The following FARS2 variants were observed in gnomAD, a reference collection of about 807,000 sequenced individuals.
The protein encoded by FARS2 is phenylalanine--tRNA ligase, mitochondrial.
In FARS2, 40 loss-of-function variants were observed where a neutral mutation model predicts 46.4. That is an observed-to-expected ratio of 0.86 (90% CI 0.67 to 1.12). FARS2 has a LOEUF of 1.12. Among genes scored for constraint, FARS2 ranks in the 50% most tolerant of loss-of-function variants. FARS2 has a pLI of 0.00. For missense variants in FARS2, 513 were observed against 567.9 expected (o/e 0.90, Z 0.98); for synonymous variants, 234 against 214.9 (o/e 1.09, Z -0.78).
intron 1 of FARS2, among the ~76,000 whole-genome samples, chr6:5,331,262 T>C (rs1217111735): frequency 1.3e-5 from 2 of 152,232 alleles, no homozygotes; most frequent in Admixed American, 6.5e-5. Context: ...TTCATTTTAA[T>C]GTTACCTCAT....
chr6:5,729,009 C>G (rs1561825443), intron 6 of FARS2, among the ~76,000 whole-genome samples: 1 of 152,196 alleles, frequency 6.6e-6, no homozygotes, highest in Non-Finnish European at 1.5e-5. Flanking sequence ...CCTGCTAGGA[C>G]GCCCGCTACC....
intron 5 of FARS2, among the ~76,000 whole-genome samples, chr6:5,553,498 A>T (rs1771486981): frequency 6.6e-6 from 1 of 152,178 alleles, no homozygotes; most frequent in Admixed American, 6.5e-5. Flanking sequence ...TCGTTATATT[A>T]TGTATGTGGC....
chr6:5,401,385 G>T (rs918429686), intron 2 of FARS2, among the ~76,000 whole-genome samples: 5 of 152,052 alleles, frequency 3.3e-5, no homozygotes, highest in Non-Finnish European at 7.4e-5. Flanking sequence ...CTTAGTAAAA[G>T]TATTCTTTAA....
intron 6 of FARS2, among the ~76,000 whole-genome samples, chr6:5,640,179 C>T (rs536379406): frequency 4.8e-4 from 73 of 150,864 alleles, no homozygotes; most frequent in Middle Eastern, 3.4e-3. Context: ...TGAGAAAACG[C>T]GCACACATGC....
intron 4 of FARS2, among the ~76,000 whole-genome samples, chr6:5,499,840 G>T (rs1390706802): frequency 6.6e-6 from 1 of 152,160 alleles, no homozygotes; most frequent in East Asian, 1.9e-4. Context: ...TCAAATAGTA[G>T]TCACTAACTA....
rs1758880618 is a variant in FARS2 at position 5,369,192 on chromosome 6, G to C, written c.612+10G>C. 1.2e-6 allele frequency: 2 copies of C among 1,600,432 alleles called. No individual in the cohort carries two copies. Among genetic ancestry groups the C allele is most frequent in the Non-Finnish European group, 1.7e-6 (2 of 1,177,662 alleles). The stretch of plus-strand genomic sequence containing the variant: ...CTTCTCCAAGCATGAGGTGAGTCTT[G>C]AGATGTTTCTCATCGCTGAAGGATG... On this transcript the variant is annotated intron_variant, in intron 2 of 6. Transcript: ENST00000274680.
intron 2 of FARS2, among the ~76,000 whole-genome samples, chr6:5,386,360 GC>G (rs1760134839): frequency 6.6e-6 from 1 of 151,072 alleles, no homozygotes. Context: ...TTCATGAAGG[GC>G]CTGCTATGTA....
At chr6:5,766,778 A>G (rs577703931) in intron 6 of FARS2, among the ~76,000 whole-genome samples, 1 of 152,126 alleles carries the variant, frequency 6.6e-6, no homozygotes, top group Non-Finnish European at 1.5e-5. Context: ...AAAATATGTC[A>G]TTACCCCAAA....
At chr6:5,444,725 C>T (rs971133675) in intron 4 of FARS2, among the ~76,000 whole-genome samples, 3 of 152,106 alleles carry the variant, frequency 2.0e-5, no homozygotes, top group African/African-American at 7.2e-5. Context: ...GTGGACCCCC[C>T]ACTCCTCATC....
At chr6:5,756,536 T>G (rs1434123974) in intron 6 of FARS2, among the ~76,000 whole-genome samples, 1 of 152,084 alleles carries the variant, frequency 6.6e-6, no homozygotes. Flanking sequence ...CTACACACTT[T>G]CAAACAACCA....
At chr6:5,332,067 A>G (rs2127579849) in intron 1 of FARS2, among the ~76,000 whole-genome samples, 1 of 152,328 alleles carries the variant, frequency 6.6e-6, no homozygotes, top group African/African-American at 2.4e-5. Context: ...AGTTTCAGAC[A>G]GGAAACTAAA....
At chr6:5,346,793 C>T (rs1225652958) in intron 1 of FARS2, among the ~76,000 whole-genome samples, 3 of 151,860 alleles carry the variant, frequency 2.0e-5, no homozygotes, top group Non-Finnish European at 4.4e-5. Context: ...CAGAATTCCT[C>T]CTAAATGTAG....
intron 5 of FARS2, among the ~76,000 whole-genome samples, chr6:5,549,252 T>C (rs1033440372): frequency 3.9e-5 from 6 of 152,208 alleles, no homozygotes; most frequent in Non-Finnish European, 8.8e-5. Flanking sequence ...TACATATGTA[T>C]ACATGTGCCA....
intron 4 of FARS2, among the ~76,000 whole-genome samples, chr6:5,473,806 C>T (rs1157403306): frequency 1.3e-5 from 2 of 152,124 alleles, no homozygotes; most frequent in Non-Finnish European, 2.9e-5. Flanking sequence ...ATGTAGGCAG[C>T]GGTGTCTTTC....
chr6:5,771,210 C>G (rs944629501), intron 6 of FARS2, 81 bp from the exon 7 acceptor site: 1 of 1,550,240 alleles, frequency 6.5e-7, no homozygotes, highest in Non-Finnish European at 8.8e-7. Flanking sequence ...TTGGGGAGAT[C>G]TGGCCAGGGC....
chr6:5,594,413 C>A (rs1774085497), intron 5 of FARS2, among the ~76,000 whole-genome samples: 1 of 152,218 alleles, frequency 6.6e-6, no homozygotes, highest in African/African-American at 2.4e-5. Flanking sequence ...CCACAGACTT[C>A]TTGATAAATT....
At chr6:5,717,925 T>TAGAGAGAGAGAGAGAGAGAGAGAG (rs759754794) in intron 6 of FARS2, among the ~76,000 whole-genome samples, 36 of 45,586 alleles carry the variant, frequency 7.9e-4, no homozygotes, top group African/African-American at 5.8e-3. Flanking sequence ...TATATATATA[T>TAGAGAGAGAGAGAGAGAGAGAGAG]ATATATATAT....
At chr6:5,387,603 T>C (rs1268199491) in intron 2 of FARS2, among the ~76,000 whole-genome samples, 1 of 152,256 alleles carries the variant, frequency 6.6e-6, no homozygotes, top group Non-Finnish European at 1.5e-5. Flanking sequence ...CAAAATTTGG[T>C]TCTTGACTCG....
chr6:5,602,743 G>A (rs539660413), intron 5 of FARS2, among the ~76,000 whole-genome samples: 11 of 151,684 alleles, frequency 7.3e-5, no homozygotes, highest in East Asian at 3.9e-4. Context: ...GGCTAGGCCC[G>A]GAGCAGGGGC....
Sources: allele counts gnomAD v4.1 joint callset (sites outside exome capture counted in the v4.1 genomes callset), GRCh38; gene constraint gnomAD v4.1.1; transcripts MANE v1.5; gene names NCBI Gene and HGNC (gene_info 2026-07-23, HGNC 2026-07-21).